The following SLC9C1 variants were observed in gnomAD, a reference collection of about 807,000 sequenced individuals.
The protein encoded by SLC9C1 is solute carrier family 9 member C1, also known as sodium/hydrogen exchanger 10.
SLC9C1 carries 97 observed loss-of-function variants against 140.9 expected under a neutral mutation model. The ratio of observed to expected loss-of-function variants is 0.69; its 90% CI spans 0.58 to 0.82. The LOEUF (loss-of-function observed/expected upper bound fraction) is 0.82. SLC9C1 is among the 40% of genes least tolerant of loss of function. The probability of loss-of-function intolerance (pLI) is 0.00; values close to 1 mark genes in which losing one functional copy is unlikely to be tolerated. For missense variants in SLC9C1, 1,340 were observed against 1,389.3 expected, an observed-to-expected ratio of 0.96 and a Z score of 0.56; for synonymous variants, 440 against 442.6, an observed-to-expected ratio of 0.99 and a Z score of 0.07.
intron 10 of SLC9C1, among the ~76,000 whole-genome samples, chr3:112,244,888 TTCTGA>T (rs1224627944): frequency 3.3e-5 from 5 of 152,312 alleles, no homozygotes; most frequent in Non-Finnish European, 7.3e-5. Flanking sequence ...CCACTGAATA[TTCTGA>T]TCTAATTCGT....
chr3:112,185,987 C>G, intron 20 of SLC9C1: 1 of 1,550,304 alleles, frequency 6.5e-7, no homozygotes, highest in Non-Finnish European at 8.7e-7. Flanking sequence ...CGGCTGGGAC[C>G]CAGGCCCCGC....
intron 23 of SLC9C1, among the ~76,000 whole-genome samples, chr3:112,172,002 T>A (rs2077255904): frequency 1.3e-5 from 2 of 152,214 alleles, no homozygotes; most frequent in South Asian, 4.1e-4. Flanking sequence ...GTGGCCTTAA[T>A]TACACAGGAT....
At chr3:112,171,476 ATTG>A (rs2077246424) in intron 23 of SLC9C1, among the ~76,000 whole-genome samples, 1 of 152,084 alleles carries the variant, frequency 6.6e-6, no homozygotes, top group Non-Finnish European at 1.5e-5. Flanking sequence ...TTATTTTTGA[ATTG>A]TTAAGAGTTA....
chr3:112,228,762 G>A (rs1012873390), intron 13 of SLC9C1, among the ~76,000 whole-genome samples: 8 of 151,848 alleles, frequency 5.3e-5, no homozygotes, highest in African/African-American at 1.9e-4. Flanking sequence ...AGACACAAAC[G>A]GTCAACAAGC....
chr3:112,147,163 C>A (rs1459132052), intron 28 of SLC9C1, among the ~76,000 whole-genome samples: 1 of 152,170 alleles, frequency 6.6e-6, no homozygotes, highest in Non-Finnish European at 1.5e-5. Flanking sequence ...CTTTCTCCAG[C>A]CCTTTACTTT....
chr3:112,264,096 G>T, intron 9 of SLC9C1, 104 bp downstream of exon 9: 1 of 555,544 alleles, frequency 1.8e-6, no homozygotes, highest in Non-Finnish European at 2.6e-6. Context: ...GAAAGTTTGA[G>T]TCAATTTTTC....
chr3:112,222,687 C>A (rs959737450), intron 13 of SLC9C1, among the ~76,000 whole-genome samples: 1 of 152,034 alleles, frequency 6.6e-6, no homozygotes, highest in African/African-American at 2.4e-5. Context: ...AAGTTTCCTT[C>A]ATTTATTTTG....
chr3:112,155,899 A>C (rs2075114532), intron 26 of SLC9C1, among the ~76,000 whole-genome samples: 1 of 152,114 alleles, frequency 6.6e-6, no homozygotes, highest in Non-Finnish European at 1.5e-5. Context: ...TTAGCTGTAC[A>C]TATTTTGGGG....
In SLC9C1 at chr3:112,209,993, T is replaced by G. The variant is rs114154459; in HGVS notation, c.1791-1620A>C. Among the ~76,000 whole-genome samples the G allele has an allele frequency of 6.0e-3, 916 of 152,260 alleles. 13 individuals carry two copies. The highest frequency in any genetic ancestry group is 0.021 in the African/African-American group (876 of 41,550). On this transcript the variant is annotated intron_variant, in intron 15 of 28. Coordinates refer to ENST00000305815, the MANE Select transcript of SLC9C1 (RefSeq NM_183061.3). Reference sequence around the variant, plus strand: ...AGAAACAGGCAAGATAATCTAAAATTTATATGGAATTCTAAGGGACCTCAA... The same window carrying G: ...AGAAACAGGCAAGATAATCTAAAATGTATATGGAATTCTAAGGGACCTCAA...
intron 20 of SLC9C1, among the ~76,000 whole-genome samples, chr3:112,187,192 G>GT (rs932841742): frequency 1.3e-5 from 2 of 152,178 alleles, no homozygotes; most frequent in Non-Finnish European, 2.9e-5. Context: ...CTGTGCTTCA[G>GT]TTTTTTCTCT....
At chr3:112,190,218 C>A (rs921854289) in intron 20 of SLC9C1, among the ~76,000 whole-genome samples, 1 of 152,088 alleles carries the variant, frequency 6.6e-6, no homozygotes, top group Non-Finnish European at 1.5e-5. Context: ...AATGGAATAC[C>A]CTTTATTTCT....
At chr3:112,223,425 G>C (rs1368949947) in intron 13 of SLC9C1, among the ~76,000 whole-genome samples, 2 of 152,154 alleles carry the variant, frequency 1.3e-5, no homozygotes, top group Non-Finnish European at 2.9e-5. Flanking sequence ...CATAGAGGTA[G>C]ATTGAGAAAA....
At chr3:112,231,132 CTCTCTT>C in intron 13 of SLC9C1, among the ~76,000 whole-genome samples, 1 of 150,740 alleles carries the variant, frequency 6.6e-6, no homozygotes, top group South Asian at 2.1e-4. Context: ...GTCTCTCTCT[CTCTCTT>C]TTTCTCCCTT....
chr3:112,187,621 T>G (rs2077564194), intron 20 of SLC9C1, among the ~76,000 whole-genome samples: 1 of 152,140 alleles, frequency 6.6e-6, no homozygotes, highest in African/African-American at 2.4e-5. Flanking sequence ...GTCAAAATTT[T>G]TTAAAAAATT....
Position 112,169,060 on chromosome 3 carries a change from A to G in SLC9C1, c.3054T>C (p.Asp1018=). 1 of 1,583,870 alleles carries G rather than the reference A, an allele frequency of 6.3e-7. No individual in the cohort carries two copies. The highest frequency in any genetic ancestry group is 1.8e-5 in the Admixed American group (1 of 54,110). ...GCTTTAGTTGCATATTGTAGTTCCA[A>G]TCCTGTTTTAGAAAACACAATTTCA... The part of the protein sequence containing the change: ...RKIREHLSYE[D]WNYNMQLKLS... Residue 1018 remains aspartate, a splice_region_variant and synonymous_variant, in exon 25 of 29, where the codon GAT becomes GAC. Transcript: ENST00000305815.
At chr3:112,192,723 A>G (rs1020302005) in intron 20 of SLC9C1, among the ~76,000 whole-genome samples, 9 of 151,926 alleles carry the variant, frequency 5.9e-5, no homozygotes, top group African/African-American at 2.2e-4. Flanking sequence ...TTCTTTGTTA[A>G]ACTTCTCACT....
At chr3:112,287,805 T>A (rs1363780962) in intron 1 of SLC9C1, among the ~76,000 whole-genome samples, 1 of 152,020 alleles carries the variant, frequency 6.6e-6, no homozygotes, top group Non-Finnish European at 1.5e-5. Context: ...CCCAATACTT[T>A]GGGAGGCCGA....
At chr3:112,185,984 G>A in intron 20 of SLC9C1, 1 of 1,552,676 alleles carries the variant, frequency 6.4e-7, no homozygotes. Context: ...TGCCGGCTGG[G>A]ACCCAGGCCC....
chr3:112,145,778 CAT>C (rs1374422943), intron 28 of SLC9C1, among the ~76,000 whole-genome samples: 1 of 151,904 alleles, frequency 6.6e-6, no homozygotes, highest in East Asian at 1.9e-4. Context: ...TAAATTCCCA[CAT>C]GTTGTGGGAG....
Sources: gnomAD v4.1 joint callset for allele counts (sites outside exome capture counted in the v4.1 genomes callset) on GRCh38, gnomAD v4.1.1 for gene constraint, MANE v1.5 for transcripts, NCBI Gene and HGNC (gene_info 2026-07-23, HGNC 2026-07-21) for gene names.